Variants in CSMD1 observed in about 807,000 individuals in gnomAD.
The protein encoded by CSMD1 is CUB and sushi domain-containing protein 1.
CSMD1 carries 213 observed loss-of-function variants against 417.5 expected under a neutral mutation model. The ratio of observed to expected loss-of-function variants is 0.51; its 90% confidence interval spans 0.46 to 0.57. CSMD1 has a LOEUF of 0.57. Ranked by LOEUF, CSMD1 falls within the 20% of genes least tolerant of loss-of-function variation. The probability of loss-of-function intolerance (pLI) is 0.00; values close to 1 mark genes in which losing one functional copy is unlikely to be tolerated. For missense variants in CSMD1, 6,923 were observed against 4,529.7 expected, an observed-to-expected ratio of 1.53 and a Z score of -15.17; for synonymous variants, 2,862 against 1,736.8, an observed-to-expected ratio of 1.65 and a Z score of -16.11.
intron 51 of CSMD1, among the ~76,000 whole-genome samples, chr8:3,019,004 A>C (rs991012587): frequency 1.3e-5 from 2 of 151,790 alleles, no homozygotes; most frequent in Non-Finnish European, 2.9e-5. Flanking sequence ...TGCTACCTCT[A>C]CCTCCCCGGT....
chr8:3,105,517 A>G (rs1816074296), intron 46 of CSMD1, among the ~76,000 whole-genome samples: 1 of 152,240 alleles, frequency 6.6e-6, no homozygotes, highest in Admixed American at 6.5e-5. Flanking sequence ...ATGATACTTG[A>G]AAGTGGTGTC....
intron 5 of CSMD1, among the ~76,000 whole-genome samples, chr8:3,870,258 T>C (rs1300965833): frequency 6.6e-6 from 1 of 152,198 alleles, no homozygotes; most frequent in African/African-American, 2.4e-5. Flanking sequence ...TTAAGATTAT[T>C]CAACTGTGTA....
chr8:3,498,293 T>G (rs1055092394), intron 10 of CSMD1, among the ~76,000 whole-genome samples: 24 of 152,204 alleles, frequency 1.6e-4, no homozygotes, highest in African/African-American at 4.8e-4. Context: ...GTGGATATTT[T>G]GGAGGTATAT....
At position 3,660,778 on chromosome 8, in the gene CSMD1, C is replaced by A. The variant is rs184813383; in HGVS notation, c.1010-43981G>T. The stretch of plus-strand genomic sequence containing the variant: ...TCAAATGATCCACACACCTCGGCCT[C>A]TCAAAGTGCTGGAATCACAGGCGTG... On this transcript the variant is annotated intron_variant, in intron 7 of 69. Transcript: ENST00000635120. Among the ~76,000 whole-genome samples, 9 of 152,270 alleles carry A rather than the reference C, an allele frequency of 5.9e-5. No individual in the cohort carries two copies. In the East Asian group the frequency reaches 1.4e-3, roughly 23 times the overall value.
At chr8:3,237,452 A>G (rs1197420464) in intron 26 of CSMD1, among the ~76,000 whole-genome samples, 2 of 151,022 alleles carry the variant, frequency 1.3e-5, no homozygotes, top group East Asian at 3.9e-4. Flanking sequence ...GCGAGACTCC[A>G]TCTCAAAACA....
At chr8:4,376,682 C>G (rs767350276) in intron 3 of CSMD1, among the ~76,000 whole-genome samples, 5 of 152,206 alleles carry the variant, frequency 3.3e-5, no homozygotes, top group African/African-American at 1.2e-4. Flanking sequence ...GTTGTTAACG[C>G]TGAATATTAA....
At chr8:4,775,331 T>C (rs920267822) in intron 1 of CSMD1, among the ~76,000 whole-genome samples, 2 of 152,170 alleles carry the variant, frequency 1.3e-5, no homozygotes, top group East Asian at 3.9e-4. Context: ...TAGCAGTGAA[T>C]AGATGGAAGG....
At chr8:3,998,161 T>C (rs895443928) in intron 4 of CSMD1, 51 bp from the exon 5 acceptor site, 12 of 1,473,124 alleles carry the variant, frequency 8.1e-6, no homozygotes, top group Admixed American at 2.0e-5. Context: ...ATGGTTTTCA[T>C]ACACGAGTGT....
At chr8:4,087,288 C>T (rs546909073) in intron 3 of CSMD1, among the ~76,000 whole-genome samples, 1 of 152,254 alleles carries the variant, frequency 6.6e-6, no homozygotes, top group South Asian at 2.1e-4. Flanking sequence ...ACTCTCCTTC[C>T]TTCTCCTTCC....
intron 10 of CSMD1, among the ~76,000 whole-genome samples, chr8:3,551,343 C>G (rs1798901791): frequency 6.6e-6 from 1 of 152,038 alleles, no homozygotes; most frequent in Non-Finnish European, 1.5e-5. Context: ...CCAACACACA[C>G]TTTAGAGTTT....
rs558755162 is a variant in CSMD1 at position 4,664,593 on chromosome 8, A to G, written c.86-27035T>C. On this transcript the variant is annotated intron_variant, in intron 1 of 69. Transcript: ENST00000635120. The stretch of plus-strand genomic sequence containing the variant: ...AAGAAATAAATAAATAACAAAAATA[A>G]ATACATTTTTAAAGGAAAAGAAAAT... Among the ~76,000 whole-genome samples, 3 of 152,294 alleles carry G rather than the reference A, an allele frequency of 2.0e-5. No individual in the cohort carries two copies. The East Asian group carries it at 5.8e-4, about 29-fold the overall frequency.
At chr8:3,531,596 C>T (rs932080216) in intron 10 of CSMD1, among the ~76,000 whole-genome samples, 13 of 152,078 alleles carry the variant, frequency 8.5e-5, no homozygotes, top group Admixed American at 2.0e-4. Context: ...GGTCTGGCCC[C>T]GTGGGAGGCT....
At chr8:3,863,633 C>G (rs533479730) in intron 5 of CSMD1, among the ~76,000 whole-genome samples, 68 of 152,220 alleles carry the variant, frequency 4.5e-4, no homozygotes, top group Non-Finnish European at 9.0e-4. Context: ...TTCACTTCAG[C>G]TACTGTAAGT....
chr8:3,903,486 C>T (rs1044858032), intron 5 of CSMD1, among the ~76,000 whole-genome samples: 5 of 152,230 alleles, frequency 3.3e-5, no homozygotes, highest in South Asian at 4.2e-4. Context: ...GTGGTATTAT[C>T]GACAGCAGAG....
intron 2 of CSMD1, among the ~76,000 whole-genome samples, chr8:4,521,792 G>C (rs1803467106): frequency 6.6e-6 from 1 of 152,112 alleles, no homozygotes; most frequent in Non-Finnish European, 1.5e-5. Context: ...AGTGTGAAAG[G>C]AAAACCAAGC....
chr8:4,877,578 T>C (rs978990951), intron 1 of CSMD1, among the ~76,000 whole-genome samples: 1 of 152,082 alleles, frequency 6.6e-6, no homozygotes, highest in African/African-American at 2.4e-5. Flanking sequence ...ACCCATGCCA[T>C]TTACTCATAA....
intron 3 of CSMD1, among the ~76,000 whole-genome samples, chr8:4,131,006 T>A (rs925969712): frequency 3.4e-4 from 51 of 152,172 alleles, no homozygotes; most frequent in African/African-American, 1.0e-3. Context: ...GCTGTTGGAA[T>A]CTAGCATTAA....
intron 2 of CSMD1, among the ~76,000 whole-genome samples, chr8:4,432,796 A>G (rs1300539959): frequency 1.3e-5 from 2 of 152,198 alleles, no homozygotes; most frequent in Non-Finnish European, 2.9e-5. Flanking sequence ...AATTTTGGTT[A>G]TTGATTAGAA....
chr8:3,400,181 T>C (rs112775937), intron 15 of CSMD1, among the ~76,000 whole-genome samples: 5 of 152,182 alleles, frequency 3.3e-5, no homozygotes, highest in African/African-American at 1.2e-4. Flanking sequence ...TGATTATGCA[T>C]ACCTGTATCA....
Sources: allele counts gnomAD v4.1 joint callset (sites outside exome capture counted in the v4.1 genomes callset), GRCh38; gene constraint gnomAD v4.1.1; transcripts MANE v1.5; gene names NCBI Gene and HGNC (gene_info 2026-07-23, HGNC 2026-07-21).